Variants in CHSY3 observed in about 807,000 individuals in gnomAD.
The protein encoded by CHSY3 is N-acetylgalactosaminyl-proteoglycan 3-beta-glucuronosyltransferase 3.
Under a neutral mutation model 67.2 loss-of-function variants are expected in CHSY3, and 35 were observed. That is an observed-to-expected ratio of 0.52 (90% CI 0.40 to 0.69). The LOEUF (loss-of-function observed/expected upper bound fraction) is 0.69. CHSY3 is among the 30% of genes least tolerant of loss of function. The probability of loss-of-function intolerance (pLI) is 0.00; values close to 1 mark genes in which losing one functional copy is unlikely to be tolerated. For missense variants in CHSY3, 1,069 were observed against 1,138.5 expected, an observed-to-expected ratio of 0.94 and a Z score of 0.88; for synonymous variants, 474 against 434.7, an observed-to-expected ratio of 1.09 and a Z score of -1.12.
At chr5:129,981,868 T>TC (rs999247981) in intron 2 of CHSY3, among the ~76,000 whole-genome samples, 1 of 151,962 alleles carries the variant, frequency 6.6e-6, no homozygotes, top group African/African-American at 2.4e-5. Flanking sequence ...GTACAGTAAG[T>TC]CCCCCCCTTT....
chr5:130,105,235 T>C (rs937334127), intron 2 of CHSY3, among the ~76,000 whole-genome samples: 1 of 151,682 alleles, frequency 6.6e-6, no homozygotes, highest in Non-Finnish European at 1.5e-5. Context: ...TGAAAATAAT[T>C]TGGACACAAG....
At chr5:129,966,028 G>A (rs928086112) in intron 2 of CHSY3, among the ~76,000 whole-genome samples, 3 of 151,870 alleles carry the variant, frequency 2.0e-5, no homozygotes, top group Admixed American at 2.0e-4. Flanking sequence ...AAGATGTAAA[G>A]CTCCATCCTA....
chr5:130,045,986 C>T (rs529224055), intron 2 of CHSY3, among the ~76,000 whole-genome samples: 55 of 152,126 alleles, frequency 3.6e-4, no homozygotes, highest in African/African-American at 1.3e-3. Context: ...ATTGTGGCTT[C>T]AATCTACTCT....
intron 2 of CHSY3, among the ~76,000 whole-genome samples, chr5:130,055,497 C>CT (rs1765502304): frequency 6.6e-6 from 1 of 152,022 alleles, no homozygotes; most frequent in Admixed American, 6.6e-5. Context: ...AAGTTCTTGG[C>CT]TTTTTTGTAC....
At chr5:130,076,175 C>T (rs1316581220) in intron 2 of CHSY3, among the ~76,000 whole-genome samples, 1 of 152,100 alleles carries the variant, frequency 6.6e-6, no homozygotes, top group Non-Finnish European at 1.5e-5. Flanking sequence ...TGCCCTTCCT[C>T]AATTATTTTT....
chr5:130,027,502 A>G (rs1334397767), intron 2 of CHSY3, among the ~76,000 whole-genome samples: 3 of 152,104 alleles, frequency 2.0e-5, no homozygotes, highest in Admixed American at 6.6e-5. Context: ...TTTAAGTTCT[A>G]GGGTACATGT....
intron 2 of CHSY3, among the ~76,000 whole-genome samples, chr5:129,999,535 C>A (rs955876979): frequency 6.6e-6 from 1 of 152,088 alleles, no homozygotes; most frequent in Non-Finnish European, 1.5e-5. Context: ...TCCATGAACA[C>A]TCTCCAGCAA....
intron 2 of CHSY3, among the ~76,000 whole-genome samples, chr5:129,922,653 A>G (rs1387946433): frequency 6.6e-6 from 1 of 151,982 alleles, no homozygotes; most frequent in Admixed American, 6.6e-5. Flanking sequence ...ATGTCAATTC[A>G]GGTCTTTTGC....
chr5:129,973,810 T>C (rs984959164), intron 2 of CHSY3, among the ~76,000 whole-genome samples: 1 of 152,138 alleles, frequency 6.6e-6, no homozygotes, highest in African/African-American at 2.4e-5. Flanking sequence ...TTATAGTTCT[T>C]CAGTGTCTTG....
intron 2 of CHSY3, among the ~76,000 whole-genome samples, chr5:130,120,280 G>T (rs1767965269): frequency 6.6e-6 from 1 of 151,804 alleles, no homozygotes; most frequent in African/African-American, 2.4e-5. Flanking sequence ...AAACATTCCT[G>T]CCATTTTTTT....
rs571535904 is a variant in CHSY3 at position 129,905,219 on chromosome 5, C to G, written c.390C>G (p.Ala130=). The G allele has an allele frequency of 2.7e-6, 4 of 1,504,620 alleles. No homozygotes were observed. Among genetic ancestry groups the G allele is most frequent in the South Asian group, 2.5e-5 (2 of 79,400 alleles). The allele number at this position is 1,504,620 out of a possible 1,614,324, so 93.2% of individuals were successfully genotyped here. A position where few individuals can be genotyped will look rare whatever the true frequency, so the allele number is the denominator to read the frequency against. ...GATGLPGAPA[A]EGEPEEEDGG... ...CGGGGCTTCCCGGTGCTCCAGCGGCCGAGGGGGAGCCCGAGGAGGAGGACG... is the reference window on the plus strand; with the variant it reads ...CGGGGCTTCCCGGTGCTCCAGCGGCGGAGGGGGAGCCCGAGGAGGAGGACG... Residue 130 remains alanine, a synonymous_variant, in exon 1 of 3, where the codon GCC becomes GCG. Coordinates refer to ENST00000305031, the MANE Select transcript of CHSY3 (RefSeq NM_175856.5).
intron 2 of CHSY3, among the ~76,000 whole-genome samples, chr5:130,068,147 C>A (rs55962930): frequency 0.064 from 9,801 of 152,148 alleles, 1,078 homozygotes; most frequent in African/African-American, 0.22. Flanking sequence ...TATTGGTTTT[C>A]CAGCCAACAA....
intron 2 of CHSY3, among the ~76,000 whole-genome samples, chr5:130,143,799 TA>T (rs1768974881): frequency 1.1e-5 from 1 of 87,938 alleles, no homozygotes; most frequent in Non-Finnish European, 2.1e-5. Context: ...TATATATATA[TA>T]TATATGTGTG....
intron 2 of CHSY3, among the ~76,000 whole-genome samples, chr5:129,955,105 G>A (rs1357948647): frequency 6.6e-6 from 1 of 152,096 alleles, no homozygotes; most frequent in East Asian, 1.9e-4. Context: ...CTGACCTTGT[G>A]ATCTGCCCAC....
chr5:130,183,138 T>C (rs188918250), intron 2 of CHSY3, among the ~76,000 whole-genome samples: 116 of 152,258 alleles, frequency 7.6e-4, no homozygotes, highest in African/African-American at 2.6e-3. Context: ...TTCTTTTTAT[T>C]GTTCATAATC....
chr5:130,178,251 A>ATTTTTTTTTT (rs1298647034), intron 2 of CHSY3, among the ~76,000 whole-genome samples: 11 of 62,734 alleles, frequency 1.8e-4, no homozygotes, highest in East Asian at 1.1e-3. Flanking sequence ...ATATATATAT[A>ATTTTTTTTTT]TATTTTTTTT....
chr5:130,011,365 A>G (rs1764055046), intron 2 of CHSY3, among the ~76,000 whole-genome samples: 1 of 152,230 alleles, frequency 6.6e-6, no homozygotes, highest in Non-Finnish European at 1.5e-5. Flanking sequence ...GGAACTAAAA[A>G]CAAACACCAC....
At chr5:130,100,904 G>A (rs1428252803) in intron 2 of CHSY3, among the ~76,000 whole-genome samples, 1 of 152,150 alleles carries the variant, frequency 6.6e-6, no homozygotes, top group Non-Finnish European at 1.5e-5. Context: ...CATAAACTGT[G>A]CAAGAAATGA....
chr5:130,151,166 T>C (rs1338462996), intron 2 of CHSY3, among the ~76,000 whole-genome samples: 1 of 152,236 alleles, frequency 6.6e-6, no homozygotes, highest in Non-Finnish European at 1.5e-5. Flanking sequence ...ATGTGCATGC[T>C]GATTTGTTGT....
Sources: gnomAD v4.1 joint callset for allele counts (sites outside exome capture counted in the v4.1 genomes callset) on GRCh38, gnomAD v4.1.1 for gene constraint, MANE v1.5 for transcripts, NCBI Gene and HGNC (gene_info 2026-07-23, HGNC 2026-07-21) for gene names.